The following ITPK1 variants were observed in gnomAD, a reference collection of about 807,000 sequenced individuals.
The protein encoded by ITPK1 is inositol 1,3,4-trisphosphate 5/6-kinase.
Under a neutral mutation model 45.3 loss-of-function variants are expected in ITPK1, and 21 were observed. The observed-to-expected ratio is 0.46, with a 90% CI of 0.33 to 0.67. ITPK1 has a LOEUF of 0.67. ITPK1 is among the 30% of genes least tolerant of loss of function. The probability of loss-of-function intolerance (pLI) is 0.02; values close to 1 mark genes in which losing one functional copy is unlikely to be tolerated. For synonymous variants in ITPK1, 258 were observed against 253.6 expected, an observed-to-expected ratio of 1.02 and a Z score of -0.16; for missense variants, 474 against 573.5, an observed-to-expected ratio of 0.83 and a Z score of 1.77.
At chr14:92,985,408 TGGGA>T (rs1886443940) in intron 5 of ITPK1, among the ~76,000 whole-genome samples, 1 of 152,070 alleles carries the variant, frequency 6.6e-6, no homozygotes. Flanking sequence ...AAAGGGTATA[TGGGA>T]ACTCTGTGTA....
At chr14:93,050,189 G>C (rs188100575) in intron 3 of ITPK1, among the ~76,000 whole-genome samples, 1 of 152,312 alleles carries the variant, frequency 6.6e-6, no homozygotes, top group Non-Finnish European at 1.5e-5. Flanking sequence ...GGTTGCACTC[G>C]GTGCATTTTA....
chr14:92,944,021 G>C (rs1887562298), intron 10 of ITPK1, among the ~76,000 whole-genome samples: 3 of 152,220 alleles, frequency 2.0e-5, no homozygotes, highest in Non-Finnish European at 4.4e-5. Flanking sequence ...CAGCAACACA[G>C]AGATTCCAGC....
chr14:93,107,031 C>G (rs1374858570), intron 2 of ITPK1, among the ~76,000 whole-genome samples: 2 of 152,004 alleles, frequency 1.3e-5, no homozygotes, highest in African/African-American at 4.8e-5. Context: ...AATCTTGGCT[C>G]ACTGCAATCT....
chr14:93,028,108 G>T (rs746259679), intron 3 of ITPK1, among the ~76,000 whole-genome samples: 14 of 152,196 alleles, frequency 9.2e-5, no homozygotes, highest in Non-Finnish European at 1.2e-4. Flanking sequence ...CCTTGCACAC[G>T]CACAGGAGCC....
At chr14:93,090,595 A>C (rs1046991593) in intron 2 of ITPK1, among the ~76,000 whole-genome samples, 2 of 152,006 alleles carry the variant, frequency 1.3e-5, no homozygotes, top group Non-Finnish European at 2.9e-5. Context: ...AATGAGCCCC[A>C]TTTGCAGGGG....
In ITPK1 at chr14:92,993,956, C is replaced by T. The variant is rs755820884; in HGVS notation, c.288G>A (p.Pro96=). 1.9e-5 allele frequency: 31 copies of T among 1,613,666 alleles called. No homozygotes were observed. The highest frequency in any genetic ancestry group is 8.8e-5 in the South Asian group (8 of 91,066). Residue 96 remains proline (P), a synonymous_variant, in exon 5 of 11, where the codon CCG becomes CCA. Transcript: ENST00000267615. The part of the protein sequence containing the change: ...DAHPETIVLD[P]LPAIRTLLDR... ...CAAGCAGGGTTCTGATGGCAGGGAG[C>T]GGGTCCAGGACGATGGTCTCAGGGT...
At chr14:93,009,699 T>C (rs2139841427) in intron 4 of ITPK1, among the ~76,000 whole-genome samples, 1 of 152,258 alleles carries the variant, frequency 6.6e-6, no homozygotes, top group African/African-American at 2.4e-5. Flanking sequence ...ACATGATCTG[T>C]TTCTCTGGGA....
intron 10 of ITPK1, among the ~76,000 whole-genome samples, chr14:92,942,948 G>A (rs748505943): frequency 6.6e-5 from 10 of 152,238 alleles, no homozygotes; most frequent in South Asian, 2.1e-4. Flanking sequence ...AGGTTCAGAC[G>A]GGGGCACCCT....
At chr14:93,045,448 G>T (rs1282584446) in intron 3 of ITPK1, among the ~76,000 whole-genome samples, 1 of 152,248 alleles carries the variant, frequency 6.6e-6, no homozygotes, top group East Asian at 1.9e-4. Flanking sequence ...CCAGGATGGG[G>T]GAAGATTAGC....
chr14:93,073,683 G>A (rs1160710855), intron 3 of ITPK1, among the ~76,000 whole-genome samples: 1 of 152,138 alleles, frequency 6.6e-6, no homozygotes, highest in African/African-American at 2.4e-5. Flanking sequence ...TTAGTAAATG[G>A]AGAACCTATG....
chr14:92,939,936 G>A lies in ITPK1; in HGVS notation c.*1625C>T. 1 of 985,864 alleles carries A rather than the reference G, an allele frequency of 1.0e-6. No individual in the cohort carries two copies. Among genetic ancestry groups the A allele is most frequent in the Non-Finnish European group, 1.2e-6 (1 of 829,944 alleles). 61.1% of individuals were successfully genotyped at this position (985,864 alleles called of 1,614,324 possible). On this transcript the variant is annotated 3_prime_UTR_variant, in exon 11 of 11. Transcript: ENST00000267615. Reference sequence around the variant, plus strand: ...CCAGCCACGCTTTCCTGTTCCCCAGGGCTCAGGGTCAGAACTAGGAAAGGT... The same window carrying A: ...CCAGCCACGCTTTCCTGTTCCCCAGAGCTCAGGGTCAGAACTAGGAAAGGT...
chr14:93,000,805 C>T (rs1322522074), intron 4 of ITPK1, among the ~76,000 whole-genome samples: 1 of 151,608 alleles, frequency 6.6e-6, no homozygotes, highest in Non-Finnish European at 1.5e-5. Context: ...AGCAAAACCC[C>T]CCGCAAAAAT....
chr14:92,974,573 C>T (rs956589980), intron 5 of ITPK1, among the ~76,000 whole-genome samples: 1 of 152,220 alleles, frequency 6.6e-6, no homozygotes, highest in African/African-American at 2.4e-5. Flanking sequence ...GAGCTACGAG[C>T]CCAGGTTCCA....
chr14:93,003,108 A>T (rs1249812442), intron 4 of ITPK1, among the ~76,000 whole-genome samples: 1 of 152,176 alleles, frequency 6.6e-6, no homozygotes, highest in East Asian at 1.9e-4. Flanking sequence ...GAGGGCTCCC[A>T]AGGCAGCTGC....
At chr14:93,056,104 T>C (rs963262139) in intron 3 of ITPK1, among the ~76,000 whole-genome samples, 1 of 152,274 alleles carries the variant, frequency 6.6e-6, no homozygotes, top group Non-Finnish European at 1.5e-5. Flanking sequence ...TCTTCCAAGA[T>C]GTCCAGAGTT....
chr14:93,071,537 A>G (rs1480041973), intron 3 of ITPK1: 1 of 152,292 alleles, frequency 6.6e-6, no homozygotes, highest in Non-Finnish European at 1.5e-5. Context: ...ATACTTGTAG[A>G]GGATGTAATT....
chr14:92,982,109 A>G (rs1048056838), intron 5 of ITPK1, among the ~76,000 whole-genome samples: 1 of 152,216 alleles, frequency 6.6e-6, no homozygotes, highest in Non-Finnish European at 1.5e-5. Flanking sequence ...GCCTGGAGAG[A>G]TGCAATGATA....
At chr14:92,954,367 A>C (rs1485961701) in intron 8 of ITPK1, among the ~76,000 whole-genome samples, 1 of 152,210 alleles carries the variant, frequency 6.6e-6, no homozygotes, top group Non-Finnish European at 1.5e-5. Flanking sequence ...AGCTGAGGCA[A>C]GTGAGAAGGC....
intron 5 of ITPK1, among the ~76,000 whole-genome samples, chr14:92,967,270 G>A (rs1885422406): frequency 6.6e-6 from 1 of 152,118 alleles, no homozygotes; most frequent in Non-Finnish European, 1.5e-5. Flanking sequence ...ATGGGCAAAG[G>A]ATTTGAATAG....
Sources: gnomAD v4.1 joint callset for allele counts (sites outside exome capture counted in the v4.1 genomes callset) on GRCh38, gnomAD v4.1.1 for gene constraint, MANE v1.5 for transcripts, NCBI Gene and HGNC (gene_info 2026-07-23, HGNC 2026-07-21) for gene names.